MEF2C: variants seen among roughly 807,000 people sequenced by gnomAD.
MEF2C encodes the protein myocyte enhancer factor 2C, also known as myocyte-specific enhancer factor 2C.
Under a neutral mutation model 50.5 loss-of-function variants are expected in MEF2C, and 6 were observed. The ratio of observed to expected loss-of-function variants is 0.12; its 90% CI spans 0.07 to 0.23. MEF2C has a LOEUF of 0.23. Ranked by LOEUF, MEF2C falls within the 10% of genes least tolerant of loss-of-function variation. MEF2C has a pLI of 1.00. For synonymous variants in MEF2C, 183 were observed against 228.0 expected (o/e 0.80, Z 1.78); for missense variants, 276 against 605.0 (o/e 0.46, Z 5.70).
chr5:88,748,128 T>C, intron 6 of MEF2C: 1 of 982,536 alleles, frequency 1.0e-6, no homozygotes, highest in Non-Finnish European at 1.2e-6. Context: ...TACCCTCAAA[T>C]AGATATATTT....
intron 1 of MEF2C, chr5:88,843,517 T>C (rs549860142): frequency 4.1e-4 from 402 of 975,992 alleles, no homozygotes; most frequent in Non-Finnish European, 4.5e-4. Context: ...TTCATGTGTC[T>C]GAAATTCAAG....
chr5:88,848,954 CA>C (rs1033032302), intron 1 of MEF2C, among the ~76,000 whole-genome samples: 49 of 151,826 alleles, frequency 3.2e-4, no homozygotes, highest in African/African-American at 1.1e-3. Flanking sequence ...AGTTCGAGAC[CA>C]GCCTGACCAA....
intron 3 of MEF2C, among the ~76,000 whole-genome samples, chr5:88,788,178 G>GTTTGTTTGTTTATTTA (rs71613095): frequency 4.5e-5 from 4 of 89,096 alleles, no homozygotes; most frequent in Non-Finnish European, 1.1e-4. Flanking sequence ...TTGTTTGTTT[G>GTTTGTTTGTTTATTTA]TTTATTTATT....
chr5:88,900,900 A>G (rs1835587938), intron 1 of MEF2C, among the ~76,000 whole-genome samples: 1 of 152,022 alleles, frequency 6.6e-6, no homozygotes, highest in African/African-American at 2.4e-5. Context: ...TTCTTTGAAA[A>G]TGAGAAGCTG....
At chr5:88,780,113 C>T (rs985016316) in intron 3 of MEF2C, among the ~76,000 whole-genome samples, 1 of 151,122 alleles carries the variant, frequency 6.6e-6, no homozygotes, top group Non-Finnish European at 1.5e-5. Context: ...CATCATTGCA[C>T]TCTAGCCTGG....
chr5:88,882,613 G>A (rs2150122631), intron 1 of MEF2C, among the ~76,000 whole-genome samples: 1 of 152,150 alleles, frequency 6.6e-6, no homozygotes, highest in African/African-American at 2.4e-5. Context: ...AACATGCTGT[G>A]AAATATTAAA....
chr5:88,854,349 G>A (rs1296483727), intron 1 of MEF2C, among the ~76,000 whole-genome samples: 1 of 152,120 alleles, frequency 6.6e-6, no homozygotes, highest in East Asian at 1.9e-4. Flanking sequence ...AGTATATCCT[G>A]AATAGAAAGG....
chr5:88,846,925 T>TA (rs1158544994), intron 1 of MEF2C, among the ~76,000 whole-genome samples: 1 of 152,220 alleles, frequency 6.6e-6, no homozygotes, highest in African/African-American at 2.4e-5. Context: ...CCTTGAATCT[T>TA]AAAGGGAATT....
intron 1 of MEF2C, among the ~76,000 whole-genome samples, chr5:88,849,897 A>C (rs1425793040): frequency 2.0e-5 from 3 of 152,198 alleles, no homozygotes; most frequent in Non-Finnish European, 4.4e-5. Context: ...TTCCTCTCAA[A>C]AGGCAAAAAC....
At chr5:88,782,248 A>G in intron 3 of MEF2C, 3 of 747,350 alleles carry the variant, frequency 4.0e-6, no homozygotes, top group Non-Finnish European at 4.9e-6. Flanking sequence ...TGGGAGGATC[A>G]CTTGAGCCCA....
At chr5:88,769,496 G>A (rs1781463755) in intron 3 of MEF2C, among the ~76,000 whole-genome samples, 1 of 152,206 alleles carries the variant, frequency 6.6e-6, no homozygotes, top group African/African-American at 2.4e-5. Flanking sequence ...AGATGGGGAA[G>A]TCTGGCACAC....
intron 2 of MEF2C, among the ~76,000 whole-genome samples, chr5:88,807,045 C>G (rs1303130304): frequency 6.6e-6 from 1 of 152,104 alleles, no homozygotes; most frequent in Non-Finnish European, 1.5e-5. Flanking sequence ...TTTTTAACAA[C>G]TCATATGCAA....
chr5:88,856,182 G>A (rs1459088704), intron 1 of MEF2C, among the ~76,000 whole-genome samples: 2 of 152,164 alleles, frequency 1.3e-5, no homozygotes, highest in African/African-American at 4.8e-5. Context: ...TTTTGCTCCT[G>A]ACCTAGAGAT....
At chr5:88,867,242 C>T (rs1561408963) in intron 1 of MEF2C, among the ~76,000 whole-genome samples, 1 of 152,120 alleles carries the variant, frequency 6.6e-6, no homozygotes, top group Non-Finnish European at 1.5e-5. Context: ...TCCAAGGTTA[C>T]TAAATATTTT....
At chr5:88,735,094 G>C in intron 6 of MEF2C, 1 of 985,362 alleles carries the variant, frequency 1.0e-6, no homozygotes, top group Non-Finnish European at 1.2e-6. Flanking sequence ...TCCTAAACCA[G>C]TGATATAGAA....
In MEF2C at chr5:88,717,795, T is replaced by A. The variant is rs1034256213; in HGVS notation, c.*4809A>T. The A allele has an allele frequency of 6.6e-6, 1 of 152,224 alleles. No individual in the cohort carries two copies. The highest frequency in any genetic ancestry group is 2.4e-5 in the African/African-American group (1 of 41,454). The allele number at this position is 152,224 out of a possible 1,614,324, so 9.4% of individuals were successfully genotyped here. A position where few individuals can be genotyped will look rare whatever the true frequency, so the allele number is the denominator to read the frequency against. On this transcript the variant is annotated 3_prime_UTR_variant, in exon 11 of 11. Transcript: ENST00000504921. The stretch of plus-strand genomic sequence containing the variant: ...TAAAATGTATGAATTCACTAATTTA[T>A]TCAGATTTATAAGCCTATGTTTTCA...
At chr5:88,873,834 G>A (rs1830308460) in intron 1 of MEF2C, among the ~76,000 whole-genome samples, 1 of 148,096 alleles carries the variant, frequency 6.8e-6, no homozygotes, top group Non-Finnish European at 1.5e-5. Flanking sequence ...GAGTCTAAGT[G>A]AACTTCCAAT....
intron 7 of MEF2C, among the ~76,000 whole-genome samples, 155 bp from the exon 8 acceptor site, chr5:88,730,389 A>G (rs1760926067): frequency 6.6e-6 from 1 of 152,202 alleles, no homozygotes; most frequent in Non-Finnish European, 1.5e-5. Context: ...TTACAAAGAC[A>G]TTCTTTGTTT....
At chr5:88,800,456 C>T (rs930482166) in intron 3 of MEF2C, among the ~76,000 whole-genome samples, 2 of 152,160 alleles carry the variant, frequency 1.3e-5, no homozygotes, top group Admixed American at 1.3e-4. Flanking sequence ...AGAGTCTCTT[C>T]CACAGTGCTG....
Sources: allele counts gnomAD v4.1 joint callset (sites outside exome capture counted in the v4.1 genomes callset), GRCh38; gene constraint gnomAD v4.1.1; transcripts MANE v1.5; gene names NCBI Gene and HGNC (gene_info 2026-07-23, HGNC 2026-07-21).